SLCO5A1: variants seen among roughly 807,000 people sequenced by gnomAD.
The protein encoded by SLCO5A1 is solute carrier organic anion transporter family member 5A1.
A neutral mutation model predicts 65.1 loss-of-function variants in SLCO5A1; 39 were observed. The ratio of observed to expected loss-of-function variants is 0.60; its 90% CI spans 0.46 to 0.78. The LOEUF (loss-of-function observed/expected upper bound fraction) is 0.78, where lower values mean the gene tolerates loss of function less well. Among genes scored for constraint, SLCO5A1 ranks in the 30% least tolerant of loss-of-function variants. The pLI, the probability that SLCO5A1 is intolerant of heterozygous loss-of-function variation, is 0.00. For synonymous variants in SLCO5A1, 438 were observed against 415.7 expected, an observed-to-expected ratio of 1.05 and a Z score of -0.65; for missense variants, 1,029 against 1,069.4, an observed-to-expected ratio of 0.96 and a Z score of 0.53.
At chr8:69,688,409 A>G (rs965739928) in intron 6 of SLCO5A1, among the ~76,000 whole-genome samples, 4 of 152,088 alleles carry the variant, frequency 2.6e-5, no homozygotes, top group Non-Finnish European at 4.4e-5. Context: ...ATATGTATAC[A>G]TGTGCCATGC....
At position 69,739,537 on chromosome 8, in the gene SLCO5A1, T is replaced by C. The variant is rs576735954; in HGVS notation, c.1259-1333A>G. Among the ~76,000 whole-genome samples the C allele has an allele frequency of 2.7e-4, 41 of 152,248 alleles. 1 individual carries two copies. The South Asian group carries it at 7.9e-3, about 29-fold the overall frequency. ...AGAACGGTTATCTCTTTCAACATAATAAAGTCATTTCATTAAAATTAGCCT... is the reference window on the plus strand; with the variant it reads ...AGAACGGTTATCTCTTTCAACATAACAAAGTCATTTCATTAAAATTAGCCT... On this transcript the variant is annotated intron_variant, in intron 4 of 9. Coordinates refer to ENST00000260126, the MANE Select transcript of SLCO5A1 (RefSeq NM_030958.3).
intron 6 of SLCO5A1, among the ~76,000 whole-genome samples, chr8:69,694,353 T>C (rs1018584034): frequency 6.6e-6 from 1 of 152,346 alleles, no homozygotes; most frequent in African/African-American, 2.4e-5. Flanking sequence ...GTTGTAAGCA[T>C]AAGACATGTG....
At chr8:69,762,546 A>C (rs1288771702) in intron 2 of SLCO5A1, among the ~76,000 whole-genome samples, 1 of 152,076 alleles carries the variant, frequency 6.6e-6, no homozygotes, top group Non-Finnish European at 1.5e-5. Context: ...AATTTCTAGA[A>C]ATAGAGACCC....
chr8:69,775,076 C>T (rs978678177), intron 2 of SLCO5A1, among the ~76,000 whole-genome samples: 49 of 152,050 alleles, frequency 3.2e-4, no homozygotes, highest in African/African-American at 1.2e-3. Context: ...AGCAAAAGAA[C>T]AGCTGCCACG....
chr8:69,746,656 G>A (rs1817042748), intron 4 of SLCO5A1, among the ~76,000 whole-genome samples: 1 of 152,236 alleles, frequency 6.6e-6, no homozygotes, highest in Non-Finnish European at 1.5e-5. Flanking sequence ...GAAAAGTGGT[G>A]TAATAAAGAA....
At chr8:69,735,672 A>G (rs549664081) in intron 5 of SLCO5A1, among the ~76,000 whole-genome samples, 5 of 152,220 alleles carry the variant, frequency 3.3e-5, no homozygotes, top group African/African-American at 9.6e-5. Flanking sequence ...CTGTTGTGGG[A>G]TTGAGGGGAG....
intron 5 of SLCO5A1, among the ~76,000 whole-genome samples, chr8:69,731,756 A>T (rs909071793): frequency 6.6e-6 from 1 of 152,236 alleles, no homozygotes; most frequent in African/African-American, 2.4e-5. Flanking sequence ...TTAAAATGAT[A>T]TAAGTGGGAA....
At chr8:69,793,263 C>T (rs948999459) in intron 2 of SLCO5A1, among the ~76,000 whole-genome samples, 1 of 151,956 alleles carries the variant, frequency 6.6e-6, no homozygotes, top group Non-Finnish European at 1.5e-5. Flanking sequence ...GGATTACAGG[C>T]GTGAGCCATT....
intron 5 of SLCO5A1, among the ~76,000 whole-genome samples, chr8:69,706,471 T>A (rs984057291): frequency 1.3e-5 from 2 of 152,138 alleles, no homozygotes; most frequent in Non-Finnish European, 2.9e-5. Context: ...CCAGAGTGAT[T>A]AGGAGGTGGG....
intron 2 of SLCO5A1, among the ~76,000 whole-genome samples, chr8:69,828,577 G>A (rs1357470427): frequency 6.6e-6 from 1 of 151,716 alleles, no homozygotes; most frequent in East Asian, 1.9e-4. Context: ...ACTCCAGCCT[G>A]GGCGACAGAG....
chr8:69,755,540 T>A lies in SLCO5A1; in HGVS notation c.1142A>T (p.Lys381Met). ...KLPPRHKKKK[K>M]KKFSVDAVSD... The stretch of plus-strand genomic sequence containing the variant: ...AACAGCATCAACAGAAAATTTTTTC[T>A]TTTTCTTTTTCTTGTGTCGAGGTGG... Residue 381 changes from lysine to methionine, a missense_variant, in exon 4 of 10, where the codon AAG becomes ATG. Transcript: ENST00000260126. 3.7e-6 allele frequency: 6 copies of A among 1,614,116 alleles called. No individual in the cohort carries two copies. The highest frequency in any genetic ancestry group is 5.1e-6 in the Non-Finnish European group (6 of 1,179,992).
rs569482352 is a variant in SLCO5A1, at chr8:69,768,693, C to T, written c.908-6818G>A. ...TGTCTCTTCCTCTTCTTATAAGGAC[C>T]TCATAGATTAGGGACCAGGCACATG... On this transcript the variant is annotated intron_variant, in intron 2 of 9. Transcript: ENST00000260126. 1.4e-3 allele frequency among the ~76,000 whole-genome samples: 216 copies of T among 152,218 alleles called. 1 individual carries two copies. The highest frequency in any genetic ancestry group is 2.0e-3 in the African/African-American group (84 of 41,516).
At chr8:69,676,042 T>A (rs955936207) in intron 9 of SLCO5A1, among the ~76,000 whole-genome samples, 14 of 152,232 alleles carry the variant, frequency 9.2e-5, no homozygotes, top group Non-Finnish European at 1.3e-4. Context: ...CTCTGTGGTT[T>A]ATCACATGGA....
chr8:69,776,899 C>G (rs1410445831), intron 2 of SLCO5A1, among the ~76,000 whole-genome samples: 1 of 152,144 alleles, frequency 6.6e-6, no homozygotes. Context: ...ATTAAAAAGA[C>G]AGACCATACC....
At chr8:69,825,702 G>A (rs1168273420) in intron 2 of SLCO5A1, among the ~76,000 whole-genome samples, 2 of 152,008 alleles carry the variant, frequency 1.3e-5, no homozygotes, top group African/African-American at 4.8e-5. Flanking sequence ...TGGCCATACT[G>A]CCCAAGGTAA....
At chr8:69,733,714 C>T (rs1043655259) in intron 5 of SLCO5A1, among the ~76,000 whole-genome samples, 1 of 152,196 alleles carries the variant, frequency 6.6e-6, no homozygotes, top group Non-Finnish European at 1.5e-5. Context: ...CCTGCTCTTC[C>T]TCACTCTCTT....
chr8:69,679,532 C>A lies in SLCO5A1; in HGVS notation c.1870G>T (p.Val624Phe). The A allele has an allele frequency of 4.3e-6, 7 of 1,614,206 alleles. No homozygotes were observed. Among genetic ancestry groups the A allele is most frequent in the Non-Finnish European group, 5.1e-6 (6 of 1,180,042 alleles). ...TCATTGAGATAAGTCTTGACAATAA[C>A]CACACGGAGCTGACTTCGCTGTCCC... ...TVGQRSQLRV[V>F]IVKTYLNENG... The change falls in exon 8 of 10, where the codon GTT becomes TTT. Residue 624 changes from valine to phenylalanine, a missense_variant. Physicochemically the swap from Val to Phe is conservative, Grantham distance 50 (BLOSUM62 -1). Around this residue, in one of 3 missense-constraint regions of SLCO5A1, gnomAD observed 124 missense variants for 184.5 expected, o/e 0.67. Coordinates refer to ENST00000260126, the MANE Select transcript of SLCO5A1 (RefSeq NM_030958.3).
chr8:69,787,349 C>T (rs748716153), intron 2 of SLCO5A1, among the ~76,000 whole-genome samples: 3 of 152,146 alleles, frequency 2.0e-5, no homozygotes, highest in Admixed American at 6.5e-5. Context: ...GCCACTGACC[C>T]GAAAGAAGCT....
intron 5 of SLCO5A1, among the ~76,000 whole-genome samples, chr8:69,732,883 G>A (rs1009648485): frequency 2.0e-5 from 3 of 150,742 alleles, no homozygotes; most frequent in African/African-American, 2.4e-5. Flanking sequence ...GCGAGACTCC[G>A]TCTAAAAAAA....
Sources: allele counts gnomAD v4.1 joint callset (sites outside exome capture counted in the v4.1 genomes callset), GRCh38; gene constraint gnomAD v4.1.1; regional missense constraint gnomAD v4.1.1; transcripts MANE v1.5; gene names NCBI Gene and HGNC (gene_info 2026-07-23, HGNC 2026-07-21).